The following FRMPD4 variants were observed in gnomAD, a reference collection of about 807,000 sequenced individuals.
FRMPD4 encodes the protein FERM and PDZ domain containing 4.
FRMPD4 carries 22 observed loss-of-function variants against 94.1 expected under a neutral mutation model. The ratio of observed to expected loss-of-function variants is 0.23; its 90% CI spans 0.17 to 0.33. FRMPD4 has a LOEUF of 0.33. Among genes scored for constraint, FRMPD4 ranks in the 10% least tolerant of loss-of-function variants. The probability of loss-of-function intolerance (pLI) is 1.00; values close to 1 mark genes in which losing one functional copy is unlikely to be tolerated. For missense variants in FRMPD4, 1,111 were observed against 1,339.9 expected (o/e 0.83, Z 2.67); for synonymous variants, 631 against 548.6 (o/e 1.15, Z -2.10).
intron 2 of FRMPD4, among the ~76,000 whole-genome samples, chrX:12,504,411 T>C (rs1466884310): frequency 1.5e-4 from 17 of 112,724 alleles, no homozygotes; most frequent in African/African-American, 5.5e-4. Context: ...TGTCATTTGG[T>C]TCAATGAGTT....
At chrX:12,703,247 T>C (rs1454130146) in intron 10 of FRMPD4, among the ~76,000 whole-genome samples, 2 of 112,527 alleles carry the variant, frequency 1.8e-5, no homozygotes, top group Non-Finnish European at 3.8e-5. Flanking sequence ...ATGAATTATA[T>C]TCCTGGCCAT....
chrX:12,303,163 C>T (rs2054886348), intron 1 of FRMPD4, among the ~76,000 whole-genome samples: 1 of 112,112 alleles, frequency 8.9e-6, no homozygotes, highest in Non-Finnish European at 1.9e-5. Flanking sequence ...AACATGTCAA[C>T]TCTATGTAAA....
At chrX:12,421,398 T>TAA (rs1220785639) in intron 1 of FRMPD4, among the ~76,000 whole-genome samples, 2 of 50,833 alleles carry the variant, frequency 3.9e-5, no homozygotes, top group African/African-American at 4.8e-4. Context: ...GCTTCCATGC[T>TAA]CACGTCTCAA....
intron 3 of FRMPD4, among the ~76,000 whole-genome samples, chrX:12,128,660 A>C: frequency 8.9e-6 from 1 of 111,948 alleles, no homozygotes; most frequent in South Asian, 3.8e-4. Flanking sequence ...TTTCTATCAC[A>C]TTGTCAGGGT....
At chrX:12,671,429 T>G (rs141547498) in intron 4 of FRMPD4, among the ~76,000 whole-genome samples, 21 of 111,416 alleles carry the variant, frequency 1.9e-4, no homozygotes, top group African/African-American at 6.5e-4. Context: ...GTTCATGTCC[T>G]TTGCAGGGAC....
intron 1 of FRMPD4, among the ~76,000 whole-genome samples, chrX:12,464,779 A>G (rs1485038203): frequency 8.9e-6 from 1 of 112,155 alleles, no homozygotes; most frequent in African/African-American, 3.2e-5. Flanking sequence ...ATGATTTCAT[A>G]TCAAATTAAG....
intron 1 of FRMPD4, among the ~76,000 whole-genome samples, chrX:12,294,485 C>CACACACACACAGAG (rs34874624): frequency 2.2e-5 from 2 of 92,088 alleles, no homozygotes; most frequent in African/African-American, 4.0e-5. Flanking sequence ...CACACACACA[C>CACACACACACAGAG]AGAGAGAGAG....
chrX:11,870,366 G>A (rs929121508), intron 2 of FRMPD4, among the ~76,000 whole-genome samples: 35 of 112,006 alleles, frequency 3.1e-4, no homozygotes, highest in Admixed American at 7.6e-4. Context: ...GCAACGCCTG[G>A]AGATGCTCCA....
At chrX:11,914,931 TTTAAA>T (rs754742775) in intron 3 of FRMPD4, among the ~76,000 whole-genome samples, 170 of 112,385 alleles carry the variant, frequency 1.5e-3, no homozygotes, top group Non-Finnish European at 2.8e-3. Context: ...TATTCAGAAA[TTTAAA>T]TTAATGTAAC....
At chrX:11,984,811 C>T (rs144541848) in intron 3 of FRMPD4, among the ~76,000 whole-genome samples, 1,409 of 111,857 alleles carry the variant, frequency 0.013, 25 homozygotes, top group African/African-American at 0.043. Context: ...GGTCTACTAC[C>T]CAGAATATAA....
rs55671743 is a variant in FRMPD4, at chrX:12,502,985, G to T, written c.158+4189G>T. Among the ~76,000 whole-genome samples, 978 of 112,183 alleles carry T rather than the reference G, an allele frequency of 8.7e-3. 5 individuals are homozygous for T. Among genetic ancestry groups the T allele is most frequent in the Non-Finnish European group, 0.013 (718 of 53,188 alleles). On this transcript the variant is annotated intron_variant, in intron 2 of 16. Coordinates refer to ENST00000675598, the MANE Select transcript of FRMPD4 (RefSeq NM_001368397.1). The stretch of plus-strand genomic sequence containing the variant: ...GTATTTTAAAAATACATGTTTAAAA[G>T]TCAGAGAATGAGGAACACCATTTTT...
At chrX:11,843,224 G>T (rs2053549473) in intron 1 of FRMPD4, among the ~76,000 whole-genome samples, 1 of 111,568 alleles carries the variant, frequency 9.0e-6, no homozygotes, top group Non-Finnish European at 1.9e-5. Context: ...AAGTATTCTT[G>T]CATCTATGTT....
chrX:12,242,726 G>T (rs1479591919), intron 1 of FRMPD4, among the ~76,000 whole-genome samples: 3 of 111,955 alleles, frequency 2.7e-5, no homozygotes, highest in East Asian at 5.6e-4. Context: ...TCTCTTCCTT[G>T]TGTTTACCTG....
At chrX:12,458,887 A>C in intron 1 of FRMPD4, among the ~76,000 whole-genome samples, 1 of 108,625 alleles carries the variant, frequency 9.2e-6, no homozygotes, top group Admixed American at 9.7e-5. Flanking sequence ...GTTCCAAACC[A>C]CGTCCTGTGT....
intron 9 of FRMPD4, among the ~76,000 whole-genome samples, chrX:12,696,614 T>C (rs1371601299): frequency 3.5e-5 from 3 of 86,675 alleles, no homozygotes; most frequent in African/African-American, 1.5e-4. Flanking sequence ...AAAGACACAC[T>C]GTCTTTGAGA....
intron 1 of FRMPD4, among the ~76,000 whole-genome samples, chrX:12,273,817 G>A (rs6640953): frequency 0.093 from 10,409 of 111,998 alleles, 555 homozygotes; most frequent in East Asian, 0.34. Flanking sequence ...TTTCATCTCT[G>A]GGTATCAAAA....
intron 3 of FRMPD4, among the ~76,000 whole-genome samples, chrX:11,956,335 T>A (rs1364681658): frequency 9.0e-6 from 1 of 111,661 alleles, no homozygotes; most frequent in Non-Finnish European, 1.9e-5. Flanking sequence ...TACTCTTATT[T>A]CTTGCTTTCC....
chrX:12,710,923 T>C (rs1192040704), intron 14 of FRMPD4, among the ~76,000 whole-genome samples: 2 of 110,758 alleles, frequency 1.8e-5, no homozygotes, highest in Non-Finnish European at 3.8e-5. Context: ...ATTAATTAAT[T>C]AAAATTAAAA....
At chrX:11,968,602 G>A (rs2054324319) in intron 3 of FRMPD4, among the ~76,000 whole-genome samples, 1 of 111,173 alleles carries the variant, frequency 9.0e-6, no homozygotes, top group Admixed American at 9.5e-5. Context: ...TCCCCCGTAT[G>A]GCCTGCATTC....
Sources: gnomAD v4.1 joint callset for allele counts (sites outside exome capture counted in the v4.1 genomes callset) on GRCh38, gnomAD v4.1.1 for gene constraint, MANE v1.5 for transcripts, NCBI Gene and HGNC (gene_info 2026-07-23, HGNC 2026-07-21) for gene names.